The following CLECL1 variants were observed in gnomAD, a reference collection of about 807,000 sequenced individuals.
CLECL1 encodes the protein C-type lectin like 1.
At chr12:9,702,955 A>G in the CLECL1 span, among the ~76,000 whole-genome samples, 5 of 152,218 alleles carry the variant, frequency 3.3e-5, no homozygotes, top group Non-Finnish European at 5.9e-5. Flanking sequence ...CAAGGTTCCA[A>G]TCAACACAGA....
the CLECL1 span, among the ~76,000 whole-genome samples, chr12:9,707,018 T>C: frequency 6.6e-6 from 1 of 152,230 alleles, no homozygotes; most frequent in African/African-American, 2.4e-5. Flanking sequence ...TATTTATTAC[T>C]GGCTCAATTT....
downstream of CLECL1, among the ~76,000 whole-genome samples, chr12:9,712,509 T>G (rs1270666048): frequency 6.6e-6 from 1 of 152,208 alleles, no homozygotes; most frequent in African/African-American, 2.4e-5. Flanking sequence ...ATCTTTTTAT[T>G]TCTTTCTTTA....
At chr12:9,730,089 C>T (rs1303804128) in intron 1 of CLECL1, among the ~76,000 whole-genome samples, 1 of 152,074 alleles carries the variant, frequency 6.6e-6, no homozygotes, top group African/African-American at 2.4e-5. Context: ...TTCCATAAAA[C>T]CATACATTTA....
exon 1 of CLECL1, chr12:9,732,990 C>A: frequency 6.2e-7 from 1 of 1,612,450 alleles, no homozygotes; most frequent in Non-Finnish European, 8.5e-7. Flanking sequence ...CGGGGAAGTC[C>A]GAACAGTTTT....
chr12:9,721,699 T>G (rs1005370563), downstream of CLECL1, among the ~76,000 whole-genome samples: 1 of 152,344 alleles, frequency 6.6e-6, no homozygotes, highest in Admixed American at 6.5e-5. Context: ...ACACTCTTTT[T>G]AGATGCTTTT....
chr12:9,708,966 G>A, the CLECL1 span: 1 of 235,302 alleles, frequency 4.2e-6, no homozygotes, highest in Non-Finnish European at 8.2e-6. Context: ...GAATCTGGAG[G>A]AAAAACACCT....
chr12:9,711,609 A>C (rs899040009), downstream of CLECL1, among the ~76,000 whole-genome samples: 5 of 152,032 alleles, frequency 3.3e-5, no homozygotes, highest in African/African-American at 9.7e-5. Flanking sequence ...TCTTTCTTTA[A>C]AAGAAACCCT....
chr12:9,727,566 T>A (rs1229234784), exon 3 of CLECL1, among the ~76,000 whole-genome samples: 1 of 151,854 alleles, frequency 6.6e-6, no homozygotes, highest in Admixed American at 6.6e-5. Flanking sequence ...TAATATTACC[T>A]ACTGAGGTGA....
intron 3 of CLECL1, among the ~76,000 whole-genome samples, chr12:9,724,768 C>A (rs1009876662): frequency 2.3e-4 from 35 of 151,918 alleles, no homozygotes; most frequent in African/African-American, 8.5e-4. Context: ...TAGGGCAAAA[C>A]AAGTTGAAGA....
At chr12:9,707,456 T>G in the CLECL1 span, among the ~76,000 whole-genome samples, 1 of 152,172 alleles carries the variant, frequency 6.6e-6, no homozygotes, top group African/African-American at 2.4e-5. Flanking sequence ...AAGAACATGG[T>G]CCCTTTAAAT....
chr12:9,720,653 T>C (rs1430188585), downstream of CLECL1, among the ~76,000 whole-genome samples: 2 of 152,162 alleles, frequency 1.3e-5, no homozygotes, highest in Non-Finnish European at 2.9e-5. Flanking sequence ...CACCTCTGTA[T>C]TATCACTGTT....
downstream of CLECL1, among the ~76,000 whole-genome samples, chr12:9,713,736 A>C (rs1866214776): frequency 6.6e-6 from 1 of 152,220 alleles, no homozygotes; most frequent in South Asian, 2.1e-4. Context: ...GAACTAAGGT[A>C]GCGACAAAGT....
downstream of CLECL1, among the ~76,000 whole-genome samples, chr12:9,710,939 T>C (rs772026253): frequency 2.0e-4 from 30 of 152,198 alleles, 1 homozygote; most frequent in Non-Finnish European, 2.9e-5. Flanking sequence ...GATCTGATTC[T>C]TCCAGTACAC....
chr12:9,702,537 G>A, the CLECL1 span, among the ~76,000 whole-genome samples: 35 of 152,310 alleles, frequency 2.3e-4, no homozygotes, highest in South Asian at 6.8e-3. Context: ...TTTGGTCTGT[G>A]ATCCCAGGCT....
At chr12:9,715,305 G>A (rs769061869), downstream of CLECL1, among the ~76,000 whole-genome samples, 1 of 152,098 alleles carries the variant, frequency 6.6e-6, no homozygotes, top group Non-Finnish European at 1.5e-5. Flanking sequence ...AAATTTTAAG[G>A]TTACATTTTT....
At chr12:9,707,222 G>C in the CLECL1 span, among the ~76,000 whole-genome samples, 1 of 152,078 alleles carries the variant, frequency 6.6e-6, no homozygotes, top group Non-Finnish European at 1.5e-5. Flanking sequence ...CTAGTAAAAT[G>C]ACTAAATAAA....
At chr12:9,725,991 A>G (rs1201744432) in intron 3 of CLECL1, among the ~76,000 whole-genome samples, 1 of 152,058 alleles carries the variant, frequency 6.6e-6, no homozygotes, top group East Asian at 1.9e-4. Context: ...AAGGGCTTCA[A>G]GACATCCAAA....
the CLECL1 span, among the ~76,000 whole-genome samples, chr12:9,703,518 C>T: frequency 6.6e-6 from 1 of 152,036 alleles, no homozygotes; most frequent in Non-Finnish European, 1.5e-5. Context: ...CATCAGCCTC[C>T]CAAGCAGCTG....
intron 1 of CLECL1, among the ~76,000 whole-genome samples, chr12:9,731,156 A>G (rs958958986): frequency 6.6e-6 from 1 of 152,238 alleles, no homozygotes. Flanking sequence ...CAGTTCAAAC[A>G]CACACTCTCA....
Sources: gnomAD v4.1 joint callset for allele counts (sites outside exome capture counted in the v4.1 genomes callset) on GRCh38, gnomAD v4.1.1 for gene constraint, MANE v1.5 for transcripts, NCBI Gene and HGNC (gene_info 2026-07-23, HGNC 2026-07-21) for gene names.